The following SH3PXD2A variants were observed in gnomAD, a reference collection of about 807,000 sequenced individuals.
The protein encoded by SH3PXD2A is SH3 and PX domain-containing protein 2A.
SH3PXD2A carries 32 observed loss-of-function variants against 115.2 expected under a neutral mutation model. The ratio of observed to expected loss-of-function variants is 0.28; its 90% confidence interval spans 0.21 to 0.37. SH3PXD2A has a LOEUF of 0.37. SH3PXD2A is among the 10% of genes least tolerant of loss of function. The pLI, the probability that SH3PXD2A is intolerant of heterozygous loss-of-function variation, is 1.00. For missense variants in SH3PXD2A, 1,328 were observed against 1,498.7 expected, an observed-to-expected ratio of 0.89 and a Z score of 1.88; for synonymous variants, 610 against 629.1, an observed-to-expected ratio of 0.97 and a Z score of 0.45.
chr10:103,702,585 C>CTGTGTGTGTGTGTG (rs61568990), intron 5 of SH3PXD2A, among the ~76,000 whole-genome samples: 58 of 32,994 alleles, frequency 1.8e-3, no homozygotes, highest in African/African-American at 5.2e-3. Flanking sequence ...AGATGTAAGC[C>CTGTGTGTGTGTGTG]TGTGTGTGTG....
At chr10:103,813,385 T>C (rs1187869066) in intron 1 of SH3PXD2A, among the ~76,000 whole-genome samples, 1 of 152,134 alleles carries the variant, frequency 6.6e-6, no homozygotes, top group Non-Finnish European at 1.5e-5. Flanking sequence ...GGCACAATCA[T>C]AGCTCAATGC....
At position 103,606,643 on chromosome 10, in the gene SH3PXD2A, C is replaced by T. The variant is rs1015856082; in HGVS notation, c.1309-726G>A. On this transcript the variant is annotated intron_variant, in intron 13 of 14. Transcript: ENST00000369774. The stretch of plus-strand genomic sequence containing the variant: ...CCGAGTGCCTGCGATTGCAGGCGCG[C>T]GCCGCCATGCCTGACTGGTTTTCGT... Among the ~76,000 whole-genome samples, 566 of 152,168 alleles carry T rather than the reference C, an allele frequency of 3.7e-3. 2 individuals are homozygous for T. The highest frequency in any genetic ancestry group is 5.7e-3 in the Admixed American group (87 of 15,292).
intron 2 of SH3PXD2A, among the ~76,000 whole-genome samples, chr10:103,801,050 G>A (rs746786666): frequency 2.6e-5 from 4 of 152,098 alleles, no homozygotes; most frequent in African/African-American, 4.8e-5. Flanking sequence ...GTGACAAAGC[G>A]TTACTGTTAA....
chr10:103,795,600 T>C (rs981819430), intron 2 of SH3PXD2A, among the ~76,000 whole-genome samples: 5 of 152,198 alleles, frequency 3.3e-5, no homozygotes, highest in Non-Finnish European at 7.3e-5. Context: ...TAAAACTTAC[T>C]TCTTCAGGAA....
chr10:103,812,482 G>C (rs2039280158), intron 1 of SH3PXD2A, among the ~76,000 whole-genome samples: 1 of 152,020 alleles, frequency 6.6e-6, no homozygotes, highest in Non-Finnish European at 1.5e-5. Context: ...AAACAACCCA[G>C]TGGGTCTAGG....
intron 6 of SH3PXD2A, among the ~76,000 whole-genome samples, chr10:103,687,101 G>A (rs2037688324): frequency 6.6e-6 from 1 of 151,920 alleles, no homozygotes; most frequent in Non-Finnish European, 1.5e-5. Flanking sequence ...TTTAAGTAAG[G>A]GAAATTATCT....
At position 103,602,264 on chromosome 10, in the gene SH3PXD2A, G is replaced by T. The variant is rs886507644; in HGVS notation, c.2954C>A (p.Ser985Tyr). 1.7e-5 allele frequency: 28 copies of T among 1,612,570 alleles called. No individual in the cohort carries two copies. Among genetic ancestry groups the T allele is most frequent in the Middle Eastern group, 3.3e-4 (2 of 6,052 alleles). ...VAVRPQSVFV[S>Y]PPPKDNNLSC... ...CAGGTTGTTGTCCTTGGGTGGCGGG[G>T]ACACAAACACCGACTGGGGCCTGAC... is the stretch of plus-strand genomic sequence containing the variant. The change falls in exon 15 of 15, where the codon TCC (serine) becomes TAC (tyrosine). Residue 985 changes from serine to tyrosine, a missense_variant. By Grantham distance (144) the Ser-to-Tyr change is moderately radical. This residue lies in a region of SH3PXD2A where 574 missense variants were observed against 565.7 expected (regional missense o/e 1.01). Coordinates refer to ENST00000369774, the MANE Select transcript of SH3PXD2A (RefSeq NM_001394015.1).
intron 2 of SH3PXD2A, among the ~76,000 whole-genome samples, chr10:103,775,134 C>T (rs1019525316): frequency 5.9e-5 from 9 of 152,184 alleles, no homozygotes; most frequent in Admixed American, 4.6e-4. Flanking sequence ...GCTCATGCCA[C>T]GCTGAGGAAG....
At chr10:103,611,508 G>T in intron 13 of SH3PXD2A, 73 bp downstream of exon 13, 1 of 1,345,574 alleles carries the variant, frequency 7.4e-7, no homozygotes, top group African/African-American at 1.4e-5. Flanking sequence ...CCGCAAGATA[G>T]CCAATTGATC....
chr10:103,828,002 A>C (rs2039447201), intron 1 of SH3PXD2A, among the ~76,000 whole-genome samples: 1 of 152,196 alleles, frequency 6.6e-6, no homozygotes, highest in South Asian at 2.1e-4. Context: ...CCTGTGCAGA[A>C]TTACAGCTCG....
chr10:103,735,885 G>C, intron 3 of SH3PXD2A, 77 bp from the exon 4 acceptor site: 1 of 1,140,696 alleles, frequency 8.8e-7, no homozygotes, highest in Non-Finnish European at 1.3e-6. Flanking sequence ...CTCTCCCTTG[G>C]CTTCTCAGCA....
In SH3PXD2A at chr10:103,603,091, A is replaced by AGAG. The variant is rs533143591; in HGVS notation, c.2124_2126dup (p.Ser710dup). The AGAG allele has an allele frequency of 3.4e-4, 550 of 1,613,178 alleles. No homozygotes were observed. The Admixed American group carries it at 3.4e-3, about 10-fold the overall frequency. The stretch of plus-strand genomic sequence containing the variant: ...GGTCGCCACTGGTTTTGGACAAGGA[A>AGAG]GAGGAGGAGGAGGAAGAGGAGGAGC... On this transcript the variant is annotated inframe_insertion, in exon 15 of 15. Coordinates refer to ENST00000369774, the MANE Select transcript of SH3PXD2A (RefSeq NM_001394015.1).
chr10:103,611,482 G>A (rs1343316617), intron 13 of SH3PXD2A, 99 bp downstream of exon 13: 2 of 1,137,848 alleles, frequency 1.8e-6, no homozygotes, highest in Admixed American at 1.7e-5. Context: ...GAAAACCCCT[G>A]GATCAAGAGG....
chr10:103,825,995 C>T lies in SH3PXD2A; in HGVS notation c.73-24633G>A, dbSNP rs193097753. On this transcript the variant is annotated intron_variant, in intron 1 of 14. Coordinates refer to ENST00000369774, the MANE Select transcript of SH3PXD2A (RefSeq NM_001394015.1). ...AGCCAGGATGGTCTCAATCTCCTGA[C>T]CTCGTGATCGGCCCACCTCGGCCTC... Among the ~76,000 whole-genome samples the T allele has an allele frequency of 4.4e-3, 675 of 152,208 alleles. 21 individuals carry two copies. The highest frequency in any genetic ancestry group is 3.9e-3 in the East Asian group (20 of 5,164).
chr10:103,685,576 C>T (rs1225361803), intron 6 of SH3PXD2A, among the ~76,000 whole-genome samples: 1 of 152,074 alleles, frequency 6.6e-6, no homozygotes, highest in African/African-American at 2.4e-5. Context: ...TGAGACGAAC[C>T]CCTCCGGTGC....
At chr10:103,768,675 G>A (rs574481802) in intron 2 of SH3PXD2A, among the ~76,000 whole-genome samples, 1 of 152,326 alleles carries the variant, frequency 6.6e-6, no homozygotes, top group South Asian at 2.1e-4. Flanking sequence ...GTGGAAGCAG[G>A]GAGACCAGTT....
At chr10:103,609,679 T>G (rs1348953547) in intron 13 of SH3PXD2A, 1 of 152,200 alleles carries the variant, frequency 6.6e-6, no homozygotes, top group East Asian at 1.9e-4. Context: ...GGATTGTATA[T>G]TTTTGCTTCA....
chr10:103,779,768 T>C (rs1329123467), intron 2 of SH3PXD2A, among the ~76,000 whole-genome samples: 1 of 152,042 alleles, frequency 6.6e-6, no homozygotes, highest in African/African-American at 2.4e-5. Context: ...ATTTGAGGTG[T>C]TTTCTGGCAG....
intron 9 of SH3PXD2A, among the ~76,000 whole-genome samples, chr10:103,626,863 G>A (rs1192236476): frequency 6.6e-6 from 1 of 152,174 alleles, no homozygotes; most frequent in Non-Finnish European, 1.5e-5. Context: ...CTGTGTAGGG[G>A]TCTGAGCCAT....
Sources: gnomAD v4.1 joint callset for allele counts (sites outside exome capture counted in the v4.1 genomes callset) on GRCh38, gnomAD v4.1.1 for gene constraint, gnomAD v4.1.1 regional missense constraint, MANE v1.5 for transcripts, NCBI Gene and HGNC (gene_info 2026-07-23, HGNC 2026-07-21) for gene names.